MARCHF11: variants seen among roughly 807,000 people sequenced by gnomAD.
MARCHF11 encodes E3 ubiquitin-protein ligase MARCHF11.
Under a neutral mutation model 37.3 loss-of-function variants are expected in MARCHF11, and 29 were observed. The observed-to-expected ratio is 0.78, with a 90% CI of 0.58 to 1.06. MARCHF11 has a LOEUF of 1.06. Ranked by LOEUF, MARCHF11 falls within the 50% of genes least tolerant of loss-of-function variation. MARCHF11 has a pLI of 0.00. For synonymous variants in MARCHF11, 233 were observed against 228.0 expected, an observed-to-expected ratio of 1.02 and a Z score of -0.20; for missense variants, 482 against 533.4, an observed-to-expected ratio of 0.90 and a Z score of 0.95.
intron 2 of MARCHF11, among the ~76,000 whole-genome samples, chr5:16,150,975 G>A (rs1737879180): frequency 1.3e-5 from 2 of 151,994 alleles, no homozygotes; most frequent in Non-Finnish European, 2.9e-5. Flanking sequence ...CCCACTGCAT[G>A]AGCCCCTTCT....
At chr5:16,123,121 A>G (rs897472487) in intron 2 of MARCHF11, among the ~76,000 whole-genome samples, 1 of 152,212 alleles carries the variant, frequency 6.6e-6, no homozygotes, top group Non-Finnish European at 1.5e-5. Flanking sequence ...TGTTCAATTT[A>G]TTGCCCGCAT....
chr5:16,141,435 T>C (rs376502823), intron 2 of MARCHF11: 11 of 151,992 alleles, frequency 7.2e-5, no homozygotes, highest in African/African-American at 1.9e-4. Flanking sequence ...CTGAGGAAAA[T>C]AAAAACAAAA....
intron 3 of MARCHF11, among the ~76,000 whole-genome samples, chr5:16,071,795 C>G (rs1474957295): frequency 1.3e-5 from 2 of 151,814 alleles, no homozygotes; most frequent in Non-Finnish European, 2.9e-5. Context: ...CCAGTCTCAG[C>G]TTTTTTTTGG....
intron 2 of MARCHF11, among the ~76,000 whole-genome samples, chr5:16,172,359 A>C (rs906156025): frequency 6.6e-6 from 1 of 152,192 alleles, no homozygotes; most frequent in Non-Finnish European, 1.5e-5. Flanking sequence ...ATTTTTAGTT[A>C]CCTACAAAAT....
intron 3 of MARCHF11, among the ~76,000 whole-genome samples, chr5:16,079,941 G>A (rs1736579502): frequency 6.6e-6 from 1 of 152,058 alleles, no homozygotes; most frequent in South Asian, 2.1e-4. Context: ...ACATCAAGCT[G>A]CCCCTTCCCA....
Position 16,179,125 on chromosome 5 carries a change from T to TGCTGCTGCG in MARCHF11, c.442_450dup (p.Arg148_Ser150dup). 2 of 1,491,336 alleles carry TGCTGCTGCG rather than the reference T, an allele frequency of 1.3e-6. No individual in the cohort carries two copies. The highest frequency in any genetic ancestry group is 8.9e-7 in the Non-Finnish European group (1 of 1,127,508). 92.4% of individuals were successfully genotyped at this position (1,491,336 alleles called of 1,614,324 possible). A position where few individuals can be genotyped will look rare whatever the true frequency, so the allele number is the denominator to read the frequency against. On this transcript the variant is annotated inframe_insertion, in exon 1 of 4. Coordinates refer to ENST00000332432, the MANE Select transcript of MARCHF11 (RefSeq NM_001102562.3). ...GCGCGCTGGTCGCCGCCGCCACTGCTGCTGCTGCGGCTGCTGCACACCGAG... is the reference window on the plus strand; with the variant it reads ...GCGCGCTGGTCGCCGCCGCCACTGCTGCTGCTGCGGCTGCTGCGGCTGCTGCACACCGAG...
chr5:16,154,391 CA>C (rs1227034289), intron 2 of MARCHF11, among the ~76,000 whole-genome samples: 1 of 151,962 alleles, frequency 6.6e-6, no homozygotes, highest in African/African-American at 2.4e-5. Flanking sequence ...GGCCAATATT[CA>C]AGTCTCAGTA....
At chr5:16,125,658 T>C (rs1025941975) in intron 2 of MARCHF11, among the ~76,000 whole-genome samples, 1 of 147,122 alleles carries the variant, frequency 6.8e-6, no homozygotes, top group African/African-American at 2.6e-5. Context: ...TGTGTGTGTG[T>C]GTGTGTGTGT....
At chr5:16,109,193 C>T (rs1010428310) in intron 2 of MARCHF11, among the ~76,000 whole-genome samples, 5 of 151,828 alleles carry the variant, frequency 3.3e-5, no homozygotes, top group Admixed American at 2.6e-4. Context: ...CCCTTGGAAT[C>T]TTCAAAGTGC....
At position 16,120,339 on chromosome 5, in the gene MARCHF11, G is replaced by A. The variant is rs9312904; in HGVS notation, c.694-29258C>T. Among the ~76,000 whole-genome samples, 12 of 152,054 alleles carry A rather than the reference G, an allele frequency of 7.9e-5. No homozygotes were observed. In the South Asian group the frequency reaches 1.2e-3, roughly 16 times the overall value. ...CCTGGAAAGTGTTAACTTCTCACCC[G>A]CTTCATGGCTACCTCCCCTGTACAA... On this transcript the variant is annotated intron_variant, in intron 2 of 3. Transcript: ENST00000332432.
intron 3 of MARCHF11, among the ~76,000 whole-genome samples, chr5:16,083,215 C>T (rs1441399464): frequency 1.3e-5 from 2 of 152,152 alleles, no homozygotes; most frequent in Admixed American, 6.5e-5. Flanking sequence ...AAAGTATCTT[C>T]ACTGTGCAAG....
chr5:16,070,975 C>A (rs1275564203), intron 3 of MARCHF11, among the ~76,000 whole-genome samples: 4 of 151,810 alleles, frequency 2.6e-5, no homozygotes, highest in Non-Finnish European at 4.4e-5. Context: ...AATGCTGTGG[C>A]GTTACGGCGA....
intron 3 of MARCHF11, among the ~76,000 whole-genome samples, chr5:16,084,754 C>CA (rs137994573): frequency 0.3 from 42,236 of 140,288 alleles, 7,381 homozygotes; most frequent in East Asian, 0.63. Context: ...GTAGAAGGAG[C>CA]AGTTTTTTTT....
intron 2 of MARCHF11, among the ~76,000 whole-genome samples, chr5:16,160,191 A>G (rs895475215): frequency 6.7e-6 from 1 of 148,160 alleles, no homozygotes; most frequent in Non-Finnish European, 1.5e-5. Context: ...GATCATCAAT[A>G]TATTACAAAT....
intron 2 of MARCHF11, among the ~76,000 whole-genome samples, chr5:16,110,864 C>G (rs1004906282): frequency 6.6e-6 from 1 of 152,172 alleles, no homozygotes; most frequent in East Asian, 1.9e-4. Flanking sequence ...CTCCCATAAT[C>G]CCCATGTGTT....
intron 2 of MARCHF11, among the ~76,000 whole-genome samples, chr5:16,143,084 A>C (rs1737744366): frequency 6.6e-6 from 1 of 151,826 alleles, no homozygotes; most frequent in Non-Finnish European, 1.5e-5. Flanking sequence ...ATCAGATCTT[A>C]AACAGGGCAG....
chr5:16,148,636 A>G (rs896163309), intron 2 of MARCHF11, among the ~76,000 whole-genome samples: 2 of 152,220 alleles, frequency 1.3e-5, no homozygotes, highest in East Asian at 3.9e-4. Flanking sequence ...CAGCTAGTGC[A>G]AAAGCAGACA....
intron 2 of MARCHF11, among the ~76,000 whole-genome samples, chr5:16,137,959 T>G (rs550946035): frequency 7.2e-5 from 11 of 152,278 alleles, no homozygotes; most frequent in African/African-American, 2.6e-4. Context: ...GAAGATATGT[T>G]TGGAATTGGA....
chr5:16,109,567 G>A (rs142899943), intron 2 of MARCHF11, among the ~76,000 whole-genome samples: 160 of 152,256 alleles, frequency 1.1e-3, no homozygotes, highest in African/African-American at 3.5e-3. Context: ...TTCCTGAGTC[G>A]TATCCTCTAT....
Sources: gnomAD v4.1 joint callset for allele counts (sites outside exome capture counted in the v4.1 genomes callset) on GRCh38, gnomAD v4.1.1 for gene constraint, MANE v1.5 for transcripts, NCBI Gene and HGNC (gene_info 2026-07-23, HGNC 2026-07-21) for gene names.